CHIT1: variants seen among roughly 807,000 people sequenced by gnomAD.
The protein encoded by CHIT1 is chitotriosidase-1.
Under a neutral mutation model 52.0 loss-of-function variants are expected in CHIT1, and 47 were observed. That is an observed-to-expected ratio of 0.90 (90% CI 0.71 to 1.15). CHIT1 has a LOEUF of 1.15. Ranked by LOEUF, CHIT1 falls within the 50% of genes most tolerant of loss-of-function variation. CHIT1 has a pLI of 0.00. For synonymous variants in CHIT1, 242 were observed against 228.2 expected (o/e 1.06, Z -0.54); for missense variants, 569 against 583.0 (o/e 0.98, Z 0.25).
At chr1:203,219,625 G>T in intron 8 of CHIT1, 39 bp downstream of exon 8, 1 of 1,609,024 alleles carries the variant, frequency 6.2e-7, no homozygotes, top group South Asian at 1.1e-5. Flanking sequence ...GGCACCCCCT[G>T]ACCCTCACAA....
chr1:203,225,033 C>A lies in CHIT1; in HGVS notation c.314+15G>T. On this transcript the variant is annotated intron_variant, in intron 4 of 10. Coordinates refer to ENST00000367229, the MANE Select transcript of CHIT1 (RefSeq NM_003465.3). ...TCCAGGAGCTTTACCACACAGGTGA[C>A]CACAGTCAACTAACTTCTGAGTGCC... The A allele has an allele frequency of 6.2e-7, 1 of 1,612,726 alleles. No homozygotes were observed. Among genetic ancestry groups the A allele is most frequent in the Non-Finnish European group, 8.5e-7 (1 of 1,178,894 alleles).
chr1:203,230,030 G>T (rs73068230), upstream of CHIT1: 5,827 of 301,050 alleles, frequency 0.019, 306 homozygotes, highest in African/African-American at 0.12. Flanking sequence ...AGGCAGCTGG[G>T]TTCCAGACCA....
intron 6 of CHIT1, 74 bp from the exon 7 acceptor site, chr1:203,222,399 C>T (rs56152830): frequency 0.019 from 30,916 of 1,606,304 alleles, 350 homozygotes; most frequent in South Asian, 0.03. Context: ...TCACTCCTAC[C>T]CCCTCAGTGC....
chr1:203,217,261 C>A (rs961106496), intron 10 of CHIT1, 128 bp from the exon 11 acceptor site: 3 of 1,572,130 alleles, frequency 1.9e-6, no homozygotes, highest in Non-Finnish European at 2.6e-6. Context: ...CTGAGTACAG[C>A]CAGATACCCC....
At position 203,228,572 on chromosome 1, in the gene CHIT1, C is replaced by A; in HGVS notation, c.26-10G>T. On this transcript the variant is annotated splice_polypyrimidine_tract_variant and intron_variant, in intron 1 of 10. Coordinates refer to ENST00000367229, the MANE Select transcript of CHIT1 (RefSeq NM_003465.3). Reference sequence around the variant, plus strand: ...AGCAGGACCATGAAACCTGGAGCAACACAAGAGAGAAGGCCAGGGTTATGC... The same window carrying A: ...AGCAGGACCATGAAACCTGGAGCAAAACAAGAGAGAAGGCCAGGGTTATGC... 1 of 1,582,542 alleles carries A rather than the reference C, an allele frequency of 6.3e-7. No homozygotes were observed.
chr1:203,222,402 C>T (rs868131704), intron 6 of CHIT1, 77 bp from the exon 7 acceptor site: 1 of 1,605,382 alleles, frequency 6.2e-7, no homozygotes, highest in African/African-American at 1.3e-5. Flanking sequence ...CTCCTACCCC[C>T]TCAGTGCATG....
At chr1:203,222,430 T>G in intron 6 of CHIT1, 105 bp from the exon 7 acceptor site, 1 of 1,560,322 alleles carries the variant, frequency 6.4e-7, no homozygotes, top group Non-Finnish European at 8.7e-7. Context: ...GAGGAACCAC[T>G]GGGGTCAGAG....
Position 203,217,769 on chromosome 1 carries a change from G to A in CHIT1, c.1126C>T (p.Pro376Ser), listed in dbSNP as rs367900575. The change falls in exon 10 of 11, where the codon CCC (proline) becomes TCC (serine). Residue 376 changes from proline (P) to serine (S), a missense_variant. Coordinates refer to ENST00000367229, the MANE Select transcript of CHIT1 (RefSeq NM_003465.3). ...AGFSCNQGRY[P>S]LIQTLRQELS... ...TCCTGCCGTAGCGTCTGGATGAGGG[G>A]GTATCGGCCCTGGTTGCAGGAGAAG... is the stretch of plus-strand genomic sequence containing the variant. 6 of 1,613,586 alleles carry A rather than the reference G, an allele frequency of 3.7e-6. No homozygotes were observed. The African/African-American group carries it at 4.0e-5, about 11-fold the overall frequency.
chr1:203,219,382 C>T (rs762660254), intron 8 of CHIT1, 53 bp from the exon 9 acceptor site: 2 of 1,055,166 alleles, frequency 1.9e-6, no homozygotes, highest in Admixed American at 1.7e-5. Context: ...CTTGCAGGCA[C>T]CTTCCCTTCC....
chr1:203,216,881 T>C lies in CHIT1; in HGVS notation c.*8A>G. 1 of 1,613,948 alleles carries C rather than the reference T, an allele frequency of 6.2e-7. No homozygotes were observed. The highest frequency in any genetic ancestry group is 8.5e-7 in the Non-Finnish European group (1 of 1,180,024). On this transcript the variant is annotated 3_prime_UTR_variant, in exon 11 of 11. Coordinates refer to ENST00000367229, the MANE Select transcript of CHIT1 (RefSeq NM_003465.3). ...CCTCAAAGCTGGGACTGGAGGGGCT[T>C]TAGCGACTCAATTCCAGGTGCAGCA... is the stretch of plus-strand genomic sequence containing the variant.
chr1:203,223,146 G>A lies in CHIT1; in HGVS notation c.594C>T (p.Asp198=), dbSNP rs749270846. 2 of 1,614,128 alleles carry A rather than the reference G, an allele frequency of 1.2e-6. No homozygotes were observed. Among genetic ancestry groups the A allele is most frequent in the East Asian group, 2.2e-5 (1 of 44,892 alleles). ...QTYVDAGYEV[D]KIAQNLDFVN... ...TGCCTGAGACTCACTGGGCGATTTT[G>A]TCCACCTCGTATCCAGCATCCACAT... is the stretch of plus-strand genomic sequence containing the variant. The change falls in exon 6 of 11, where the codon GAC becomes GAT. Residue 198 remains aspartate (D), a synonymous_variant. Coordinates refer to ENST00000367229, the MANE Select transcript of CHIT1 (RefSeq NM_003465.3).
intron 7 of CHIT1, among the ~76,000 whole-genome samples, chr1:203,220,916 G>A (rs1239893323): frequency 6.6e-6 from 1 of 152,112 alleles, no homozygotes; most frequent in Non-Finnish European, 1.5e-5. Context: ...TCCATTCCTC[G>A]GTGGATTCAA....
At position 203,223,166 on chromosome 1, in the gene CHIT1, C is replaced by CCA. The variant is rs1244307602; in HGVS notation, c.572_573dup (p.Asp192TrpfsTer70). 9 of 1,614,208 alleles carry CCA rather than the reference C, an allele frequency of 5.6e-6. No individual in the cohort carries two copies. The highest frequency in any genetic ancestry group is 6.8e-6 in the Non-Finnish European group (8 of 1,180,040). On this transcript the variant is annotated frameshift_variant, in exon 6 of 11. Transcript: ENST00000367229. LOFTEE classifies it high-confidence loss of function. The stretch of plus-strand genomic sequence containing the variant: ...ATTTTGTCCACCTCGTATCCAGCAT[C>CCA]CACATAGGTCTGCCCAGCTGGAACC...
chr1:203,224,929 T>C, intron 4 of CHIT1, 119 bp downstream of exon 4: 2 of 910,710 alleles, frequency 2.2e-6, no homozygotes, highest in Non-Finnish European at 3.6e-6. Context: ...TCAGCTCCCC[T>C]CCCCTTTCCC....
Position 203,229,668 on chromosome 1 carries a change from C to G in CHIT1, c.-32G>C. The G allele has an allele frequency of 2.5e-6, 4 of 1,611,106 alleles. No individual in the cohort carries two copies. The highest frequency in any genetic ancestry group is 2.2e-5 in the East Asian group (1 of 44,816). On this transcript the variant is annotated 5_prime_UTR_variant, in exon 1 of 11. Transcript: ENST00000367229. ...GCTCAGCGGCAGGCTGCAGCCCATA[C>G]AAACCAGCTTTCCAGGTCCTGCTCT...
At chr1:203,228,649 T>C in intron 1 of CHIT1, 87 bp from the exon 2 acceptor site, 1 of 1,426,584 alleles carries the variant, frequency 7.0e-7, no homozygotes, top group Non-Finnish European at 9.7e-7. Context: ...CAGGAGGTGG[T>C]CAGGGAGGGC....
chr1:203,228,656 G>GT (rs1657019245), intron 1 of CHIT1, 94 bp from the exon 2 acceptor site: 51 of 1,383,200 alleles, frequency 3.7e-5, no homozygotes, highest in Non-Finnish European at 4.9e-5. Context: ...TGGTCAGGGA[G>GT]GGCTGATTTC....
At chr1:203,228,659 C>T in intron 1 of CHIT1, 97 bp from the exon 2 acceptor site, 1 of 1,353,212 alleles carries the variant, frequency 7.4e-7, no homozygotes. Flanking sequence ...TCAGGGAGGG[C>T]TGATTTCATA....
chr1:203,219,852 G>C lies in CHIT1; in HGVS notation c.730-3C>G. 6.2e-7 allele frequency: 1 copy of C among 1,611,932 alleles called. No homozygotes were observed. Among genetic ancestry groups the C allele is most frequent in the East Asian group, 2.2e-5 (1 of 44,890 alleles). The stretch of plus-strand genomic sequence containing the variant: ...AGCCACTGTTGCACAGCAGCATCCT[G>C]GTGGAAGAGGGCAGGGTTAATTTTC... On this transcript the variant is annotated splice_region_variant and splice_polypyrimidine_tract_variant and intron_variant, in intron 7 of 10. Coordinates refer to ENST00000367229, the MANE Select transcript of CHIT1 (RefSeq NM_003465.3).
Sources: allele counts gnomAD v4.1 joint callset (sites outside exome capture counted in the v4.1 genomes callset), GRCh38; gene constraint gnomAD v4.1.1; transcripts MANE v1.5; gene names NCBI Gene and HGNC (gene_info 2026-07-23, HGNC 2026-07-21).